The following DNAJC3 variants were observed in gnomAD, a reference collection of about 807,000 sequenced individuals.
DNAJC3 encodes the protein DnaJ heat shock protein family (Hsp40) member C3.
DNAJC3 carries 38 observed loss-of-function variants against 68.6 expected under a neutral mutation model. That is an observed-to-expected ratio of 0.55 (90% CI 0.43 to 0.73). The LOEUF (loss-of-function observed/expected upper bound fraction) is 0.73, where lower values mean the gene tolerates loss of function less well. Ranked by LOEUF, DNAJC3 falls within the 30% of genes least tolerant of loss-of-function variation. The probability of loss-of-function intolerance (pLI) is 0.00; values close to 1 mark genes in which losing one functional copy is unlikely to be tolerated. For synonymous variants in DNAJC3, 203 were observed against 204.0 expected, an observed-to-expected ratio of 1.00 and a Z score of 0.04; for missense variants, 526 against 591.9, an observed-to-expected ratio of 0.89 and a Z score of 1.16.
chr13:95,741,576 A>T (rs1423052492), intron 4 of DNAJC3, among the ~76,000 whole-genome samples: 7 of 152,166 alleles, frequency 4.6e-5, no homozygotes, highest in Non-Finnish European at 1.5e-5. Flanking sequence ...CGGGAATGGC[A>T]GCAGTGGATT....
Position 95,759,070 on chromosome 13 carries a change from G to A in DNAJC3, c.547-970G>A, listed in dbSNP as rs528309432. ...TTTTGTATATGTGAAAAGTCGATAC[G>A]ACTTTAGAGCAGCTCTAAGAAATAT... On this transcript the variant is annotated intron_variant, in intron 5 of 11. Transcript: ENST00000602402. Among the ~76,000 whole-genome samples the A allele has an allele frequency of 1.1e-4, 16 of 152,182 alleles. No individual in the cohort carries two copies. In the East Asian group the frequency reaches 3.1e-3, roughly 29 times the overall value.
At chr13:95,713,748 G>T (rs1881048393) in intron 2 of DNAJC3, among the ~76,000 whole-genome samples, 2 of 152,212 alleles carry the variant, frequency 1.3e-5, no homozygotes, top group South Asian at 4.1e-4. Context: ...TGTATTCTTT[G>T]CCTTGACCAT....
chr13:95,698,904 GTGT>G (rs1426049561), intron 1 of DNAJC3, among the ~76,000 whole-genome samples: 2 of 152,364 alleles, frequency 1.3e-5, no homozygotes, highest in African/African-American at 2.4e-5. Context: ...ACCCTGAAAG[GTGT>G]TGTTTGCTTT....
At chr13:95,766,763 C>T (rs1883003910) in intron 9 of DNAJC3, among the ~76,000 whole-genome samples, 3 of 151,032 alleles carry the variant, frequency 2.0e-5, no homozygotes, top group African/African-American at 2.4e-5. Flanking sequence ...GGCATGATCT[C>T]GGTTCACTGC....
chr13:95,757,268 A>G (rs1302754778), intron 4 of DNAJC3, among the ~76,000 whole-genome samples: 1 of 152,194 alleles, frequency 6.6e-6, no homozygotes, highest in Non-Finnish European at 1.5e-5. Context: ...CTTAGGAACT[A>G]TAAGTAGAAG....
chr13:95,777,131 G>T (rs1479876192), intron 9 of DNAJC3, among the ~76,000 whole-genome samples: 1 of 152,116 alleles, frequency 6.6e-6, no homozygotes, highest in East Asian at 1.9e-4. Flanking sequence ...AATACAGATT[G>T]TACTTGTACC....
At chr13:95,690,683 C>T (rs1270248770) in intron 1 of DNAJC3, among the ~76,000 whole-genome samples, 37 of 142,678 alleles carry the variant, frequency 2.6e-4, no homozygotes, top group Non-Finnish European at 1.2e-4. Context: ...CCACCTCCCT[C>T]CCGGACGGGG....
intron 4 of DNAJC3, among the ~76,000 whole-genome samples, chr13:95,757,248 TA>T (rs1159925187): frequency 1.3e-5 from 2 of 152,148 alleles, no homozygotes; most frequent in South Asian, 2.1e-4. Context: ...ATTTTATACT[TA>T]AAAAAATACT....
chr13:95,730,736 A>G (rs1043881223), intron 4 of DNAJC3, among the ~76,000 whole-genome samples: 10 of 152,190 alleles, frequency 6.6e-5, no homozygotes, highest in Admixed American at 4.6e-4. Context: ...CTTTGAAGTC[A>G]GGTAGCCTGA....
At chr13:95,719,754 A>G (rs1426055898) in intron 2 of DNAJC3, among the ~76,000 whole-genome samples, 1 of 152,220 alleles carries the variant, frequency 6.6e-6, no homozygotes, top group Non-Finnish European at 1.5e-5. Flanking sequence ...TAAAAACTGA[A>G]CAGTAGAATT....
intron 11 of DNAJC3, among the ~76,000 whole-genome samples, chr13:95,790,243 G>C (rs773493343): frequency 2.6e-5 from 4 of 152,162 alleles, no homozygotes; most frequent in Non-Finnish European, 5.9e-5. Flanking sequence ...ATGACTCTGA[G>C]GACATGAGCT....
chr13:95,677,363 G>T (rs1197129433), intron 1 of DNAJC3, 26 bp downstream of exon 1: 2 of 1,566,500 alleles, frequency 1.3e-6, no homozygotes, highest in Non-Finnish European at 8.6e-7. Flanking sequence ...CCCCGGCCAG[G>T]AAGTGGGCTC....
intron 4 of DNAJC3, among the ~76,000 whole-genome samples, chr13:95,729,088 A>C (rs1313366364): frequency 6.6e-6 from 1 of 151,736 alleles, no homozygotes; most frequent in Non-Finnish European, 1.5e-5. Flanking sequence ...CTTGTATTTC[A>C]CTAATAACCT....
At position 95,760,115 on chromosome 13, in the gene DNAJC3, A is replaced by G. The variant is rs1882776561; in HGVS notation, c.622A>G (p.Ile208Val). 1.2e-6 allele frequency: 2 copies of G among 1,613,044 alleles called. No individual in the cohort carries two copies. The highest frequency in any genetic ancestry group is 1.7e-6 in the Non-Finnish European group (2 of 1,179,492). ...AAAAGAAGGAGAACCTAGGAAAGCTATAAGTGACTTAAAAGCTGCGTCAAA... is the reference window on the plus strand; with the variant it reads ...AAAAGAAGGAGAACCTAGGAAAGCTGTAAGTGACTTAAAAGCTGCGTCAAA... ...FIKEGEPRKA[I>V]SDLKAASKLK... is the part of the protein sequence containing the mutation. The change falls in exon 6 of 12, where the codon ATA becomes GTA. Residue 208 changes from isoleucine to valine, a missense_variant. Coordinates refer to ENST00000602402, the MANE Select transcript of DNAJC3 (RefSeq NM_006260.5).
rs866503638 is a variant in DNAJC3 at position 95,738,472 on chromosome 13, G to A, written c.393+13220G>A. 1.1e-3 allele frequency among the ~76,000 whole-genome samples: 169 copies of A among 151,648 alleles called. 1 individual carries two copies. The highest frequency in any genetic ancestry group is 3.4e-3 in the Middle Eastern group (1 of 294). On this transcript the variant is annotated intron_variant, in intron 4 of 11. Transcript: ENST00000602402. Reference sequence around the variant, plus strand: ...TGTGGGAGTCTAAGTCTCTTTGTAGGTCACTCAGGACTTGCTTTATGAATC... The same window carrying A: ...TGTGGGAGTCTAAGTCTCTTTGTAGATCACTCAGGACTTGCTTTATGAATC...
intron 9 of DNAJC3, among the ~76,000 whole-genome samples, chr13:95,766,891 AG>A (rs1883008185): frequency 6.6e-6 from 1 of 151,864 alleles, no homozygotes; most frequent in Non-Finnish European, 1.5e-5. Context: ...TAATAGAGAC[AG>A]GGTTTCACCA....
chr13:95,692,091 C>T (rs922855303), intron 1 of DNAJC3, among the ~76,000 whole-genome samples: 5 of 144,930 alleles, frequency 3.4e-5, no homozygotes, highest in East Asian at 3.9e-4. Context: ...AGAGGGAGAC[C>T]GTGGAAAGAG....
chr13:95,747,224 A>G (rs997925274), intron 4 of DNAJC3, among the ~76,000 whole-genome samples: 1 of 152,224 alleles, frequency 6.6e-6, no homozygotes, highest in Non-Finnish European at 1.5e-5. Context: ...CTGCCTTCCA[A>G]GAAATGATAC....
intron 1 of DNAJC3, among the ~76,000 whole-genome samples, chr13:95,687,058 G>A (rs757283369): frequency 5.9e-5 from 9 of 152,184 alleles, no homozygotes; most frequent in Non-Finnish European, 7.4e-5. Flanking sequence ...TTTCATAAGT[G>A]TTTTGTAGTT....
Sources: allele counts gnomAD v4.1 joint callset (sites outside exome capture counted in the v4.1 genomes callset), GRCh38; gene constraint gnomAD v4.1.1; transcripts MANE v1.5; gene names NCBI Gene and HGNC (gene_info 2026-07-23, HGNC 2026-07-21).